OR56A3: variants seen among roughly 807,000 people sequenced by gnomAD.
OR56A3 encodes olfactory receptor 56A3.
OR56A3 carries 23 observed loss-of-function variants against 17.5 expected under a neutral mutation model. That is an observed-to-expected ratio of 1.32 (90% CI 0.95 to 1.87). OR56A3 has a LOEUF of 1.87. Among genes scored for constraint, OR56A3 ranks in the 40% most tolerant of loss-of-function variants. OR56A3 has a pLI of 0.00. For missense variants in OR56A3, 366 were observed against 380.1 expected, an observed-to-expected ratio of 0.96 and a Z score of 0.31; for synonymous variants, 175 against 150.6, an observed-to-expected ratio of 1.16 and a Z score of -1.19.
chr11:5,966,091 C>A, the OR56A3 span, among the ~76,000 whole-genome samples: 1 of 151,750 alleles, frequency 6.6e-6, no homozygotes, highest in East Asian at 1.9e-4. Context: ...ATAAATTGGG[C>A]CAGTCGTGGT....
chr11:5,974,251 C>A, the OR56A3 span, among the ~76,000 whole-genome samples: 1 of 152,036 alleles, frequency 6.6e-6, no homozygotes, highest in Non-Finnish European at 1.5e-5. Flanking sequence ...GGATTACAGG[C>A]ATCCACCACC....
chr11:6,015,150 A>G, the OR56A3 span, among the ~76,000 whole-genome samples: 1 of 152,180 alleles, frequency 6.6e-6, no homozygotes, highest in Non-Finnish European at 1.5e-5. Context: ...AAATATGCAT[A>G]AGTAAAAAGA....
chr11:5,986,130 C>T, the OR56A3 span: 9 of 1,613,884 alleles, frequency 5.6e-6, no homozygotes, highest in Non-Finnish European at 6.8e-6. Context: ...CATAGAAGAC[C>T]AGGATGACAC....
chr11:5,945,332 T>C (rs772247578), intron 2 of OR56A3, among the ~76,000 whole-genome samples: 1 of 152,142 alleles, frequency 6.6e-6, no homozygotes, highest in Non-Finnish European at 1.5e-5. Flanking sequence ...CCCAGCACTT[T>C]GGGAGGCTGA....
the OR56A3 span, among the ~76,000 whole-genome samples, chr11:5,981,406 C>T: frequency 1.3e-5 from 2 of 152,112 alleles, no homozygotes; most frequent in Non-Finnish European, 2.9e-5. Flanking sequence ...TTGATTCAAA[C>T]AGTAATCTTC....
chr11:6,011,230 A>G, the OR56A3 span, among the ~76,000 whole-genome samples: 1 of 150,144 alleles, frequency 6.7e-6, no homozygotes, highest in Non-Finnish European at 1.5e-5. Flanking sequence ...ATACACACAT[A>G]TATTTTATTT....
At chr11:5,985,405 T>C in the OR56A3 span, among the ~76,000 whole-genome samples, 1 of 152,236 alleles carries the variant, frequency 6.6e-6, no homozygotes, top group Non-Finnish European at 1.5e-5. Flanking sequence ...TCTCCACTTA[T>C]GTTTGTTTTA....
the OR56A3 span, among the ~76,000 whole-genome samples, chr11:6,015,780 G>A: frequency 8.5e-5 from 13 of 152,278 alleles, 1 homozygote; most frequent in Middle Eastern, 6.8e-3. Context: ...CTGTACCCCC[G>A]TTGTATGATG....
chr11:6,016,680 T>G, the OR56A3 span, among the ~76,000 whole-genome samples: 109,106 of 151,708 alleles, frequency 0.72, 39,581 homozygotes, highest in East Asian at 0.94. Context: ...AGAAATTTAT[T>G]AAATGCCTGA....
the OR56A3 span, chr11:6,003,020 C>G: frequency 1.2e-6 from 2 of 1,613,990 alleles, no homozygotes; most frequent in South Asian, 2.2e-5. Context: ...ATCTGGAGAC[C>G]CAGTGTACCT....
the OR56A3 span, among the ~76,000 whole-genome samples, chr11:5,992,201 T>C: frequency 9.2e-5 from 14 of 152,356 alleles, no homozygotes; most frequent in Non-Finnish European, 1.9e-4. Context: ...TTCTTTCAGA[T>C]GCTAGGAGTG....
the OR56A3 span, among the ~76,000 whole-genome samples, chr11:5,989,958 A>G: frequency 3.3e-5 from 5 of 152,240 alleles, no homozygotes; most frequent in African/African-American, 1.2e-4. Context: ...ATTGGTACTT[A>G]TTCATCTAAT....
At chr11:6,010,241 G>A in the OR56A3 span, among the ~76,000 whole-genome samples, 2 of 152,056 alleles carry the variant, frequency 1.3e-5, no homozygotes, top group African/African-American at 2.4e-5. Context: ...TGCTCATGCC[G>A]ACTTTGTAAT....
chr11:5,983,452 C>A, the OR56A3 span, among the ~76,000 whole-genome samples: 1 of 151,394 alleles, frequency 6.6e-6, no homozygotes, highest in African/African-American at 2.4e-5. Context: ...GAGACTATGA[C>A]CCTGCACACA....
the OR56A3 span, chr11:5,986,042 G>A: frequency 0.18 from 283,624 of 1,613,426 alleles, 25,725 homozygotes; most frequent in African/African-American, 0.22. Context: ...AGGAGATACC[G>A]TGTGGCCAGA....
the OR56A3 span, among the ~76,000 whole-genome samples, chr11:5,983,340 A>C: frequency 6.6e-6 from 1 of 151,884 alleles, no homozygotes; most frequent in Non-Finnish European, 1.5e-5. Context: ...TTCTTAGTTG[A>C]TCCATGGGTT....
chr11:5,979,119 ATTT>A, the OR56A3 span, among the ~76,000 whole-genome samples: 1 of 139,388 alleles, frequency 7.2e-6, no homozygotes. Flanking sequence ...GTTAGCTAGT[ATTT>A]TTTTTTTTTT....
At chr11:5,966,077 A>C in the OR56A3 span, among the ~76,000 whole-genome samples, 5 of 152,176 alleles carry the variant, frequency 3.3e-5, no homozygotes, top group South Asian at 1.0e-3. Flanking sequence ...ATACTATAGA[A>C]ATAATAAATT....
the OR56A3 span, among the ~76,000 whole-genome samples, chr11:6,004,234 C>A: frequency 1.3e-5 from 2 of 152,096 alleles, no homozygotes; most frequent in Non-Finnish European, 2.9e-5. Context: ...TGCCTGTAAT[C>A]CCAGCTACTT....
Sources: gnomAD v4.1 joint callset for allele counts (sites outside exome capture counted in the v4.1 genomes callset) on GRCh38, gnomAD v4.1.1 for gene constraint, MANE v1.5 for transcripts, NCBI Gene and HGNC (gene_info 2026-07-23, HGNC 2026-07-21) for gene names.